Variants in BRCA1 observed in about 807,000 individuals in gnomAD.
BRCA1 encodes BRCA1 DNA repair associated, also known as breast cancer type 1 susceptibility protein.
Under a neutral mutation model 173.7 loss-of-function variants are expected in BRCA1, and 140 were observed. The ratio of observed to expected loss-of-function variants is 0.81; its 90% CI spans 0.70 to 0.93. The LOEUF is 0.93. BRCA1 is among the 40% of genes least tolerant of loss of function. The pLI is 0.00. For synonymous variants in BRCA1, 662 were observed against 756.0 expected (o/e 0.88, Z 2.04); for missense variants, 1,983 against 2,172.5 (o/e 0.91, Z 1.73).
intron 1 of BRCA1, among the ~76,000 whole-genome samples, chr17:43,137,433 TAAAA>T (rs112877653): frequency 7.1e-6 from 1 of 140,920 alleles, no homozygotes; most frequent in South Asian, 2.2e-4. Context: ...TAATAATAAT[TAAAA>T]AAAAAAAAAG....
intron 13 of BRCA1, 85 bp from the exon 14 acceptor site, chr17:43,074,606 G>T: frequency 8.2e-7 from 1 of 1,226,178 alleles, no homozygotes; most frequent in Admixed American, 1.9e-5. Context: ...AAGCATAAAT[G>T]AAACAGCTCA....
At position 43,095,885 on chromosome 17, in the gene BRCA1, C is replaced by T. The variant is rs1192717688; in HGVS notation, c.631G>A (p.Gly211Arg). Residue 211 changes from glycine (G) to arginine (R), a missense_variant, in exon 9 of 23, where the codon GGA (glycine) becomes AGA (arginine). By Grantham distance (125) the Gly-to-Arg change is moderately radical. Transcript: ENST00000357654. ...DQELLQITPQ[G>R]TRDEISLDSA... Reference sequence around the variant, plus strand: ...TCCAAACTGATTTCATCCCTGGTTCCTTGAGGGGTGATTTGTAACAATTCT... The same window carrying T: ...TCCAAACTGATTTCATCCCTGGTTCTTTGAGGGGTGATTTGTAACAATTCT... 1 of 1,613,846 alleles carries T rather than the reference C, an allele frequency of 6.2e-7. No homozygotes were observed. Among genetic ancestry groups the T allele is most frequent in the Non-Finnish European group, 8.5e-7 (1 of 1,179,878 alleles).
intron 4 of BRCA1, among the ~76,000 whole-genome samples, chr17:43,105,746 G>C (rs1251331816): frequency 2.0e-5 from 3 of 152,036 alleles, no homozygotes; most frequent in African/African-American, 7.3e-5. Context: ...ACCAAACTTA[G>C]GAAAAACAGT....
chr17:43,056,068 C>G (rs2051442597), intron 19 of BRCA1, among the ~76,000 whole-genome samples: 1 of 152,064 alleles, frequency 6.6e-6, no homozygotes, highest in Non-Finnish European at 1.5e-5. Flanking sequence ...ATTTTCACAT[C>G]TGTAATATAG....
At position 43,104,136 on chromosome 17, in the gene BRCA1, C is replaced by T. The variant is rs80356991; in HGVS notation, c.427G>A (p.Glu143Lys). The part of the protein sequence containing the change: ...RAKRLLQSEP[E>K]NPSLQETSLS... ...AATGGTTTTACCAAGGAAGGATTTT[C>T]GGGTTCACTCTGTAGAAGTCTTTTG... is the stretch of plus-strand genomic sequence containing the variant. Residue 143 changes from glutamate to lysine, a missense_variant, in exon 6 of 23, where the codon GAA becomes AAA. Glu to Lys is a moderately conservative substitution (Grantham distance 56). Transcript: ENST00000357654. The T allele has an allele frequency of 6.7e-5, 108 of 1,613,230 alleles. No homozygotes were observed. Among genetic ancestry groups the T allele is most frequent in the East Asian group, 2.5e-4 (11 of 44,878 alleles).
intron 2 of BRCA1, among the ~76,000 whole-genome samples, chr17:43,122,299 C>A (rs1160681956): frequency 2.0e-5 from 3 of 152,064 alleles, no homozygotes; most frequent in South Asian, 2.1e-4. Context: ...CTAACCATCA[C>A]CATATTTAAA....
chr17:43,153,338 T>C (rs1425881877), intron 1 of BRCA1, among the ~76,000 whole-genome samples: 1 of 152,244 alleles, frequency 6.6e-6, no homozygotes, highest in African/African-American at 2.4e-5. Context: ...CTGCCTGTTT[T>C]TCTGTGGCTA....
intron 22 of BRCA1, among the ~76,000 whole-genome samples, chr17:43,046,066 C>T (rs2050903780): frequency 6.6e-6 from 1 of 151,078 alleles, no homozygotes; most frequent in Non-Finnish European, 1.5e-5. Context: ...GAATTACAGG[C>T]ACATGCCATC....
At chr17:43,144,879 A>G (rs2056107832) in intron 1 of BRCA1, 1 of 527,436 alleles carries the variant, frequency 1.9e-6, no homozygotes, top group African/African-American at 1.9e-5. Context: ...GGCAGCGGCC[A>G]GGCAGCCCAG....
intron 2 of BRCA1, chr17:43,119,123 G>T (rs2055429774): frequency 4.6e-6 from 1 of 215,082 alleles, no homozygotes; most frequent in Non-Finnish European, 9.4e-6. Flanking sequence ...CGACTAACCT[G>T]GCAGTGTGAC....
intron 1 of BRCA1, chr17:43,145,176 A>G: frequency 2.8e-6 from 2 of 708,542 alleles, no homozygotes; most frequent in South Asian, 2.7e-5. Context: ...AAGAAGATTT[A>G]CCTGCAGAAA....
chr17:43,168,299 T>C, intron 1 of BRCA1: 1 of 375,046 alleles, frequency 2.7e-6, no homozygotes, highest in South Asian at 2.0e-5. Flanking sequence ...ATGTATCTTT[T>C]AAAAAGGTTT....
At chr17:43,052,638 G>A (rs2051287275) in intron 19 of BRCA1, among the ~76,000 whole-genome samples, 1 of 151,880 alleles carries the variant, frequency 6.6e-6, no homozygotes, top group East Asian at 1.9e-4. Context: ...CCTTCCCATT[G>A]CAATAAAAAG....
At chr17:43,151,587 C>A (rs567681229) in intron 1 of BRCA1, among the ~76,000 whole-genome samples, 1 of 151,888 alleles carries the variant, frequency 6.6e-6, no homozygotes, top group Non-Finnish European at 1.5e-5. Flanking sequence ...TTTTTTTTCC[C>A]TATATGTAAG....
chr17:43,129,319 C>A (rs1440992728), upstream of BRCA1, among the ~76,000 whole-genome samples: 14 of 152,190 alleles, frequency 9.2e-5, no homozygotes, highest in Admixed American at 9.2e-4. Context: ...TGGATATGGT[C>A]CAGCTAAGCT....
At chr17:43,122,580 G>A (rs559644370) in intron 2 of BRCA1, among the ~76,000 whole-genome samples, 1 of 152,230 alleles carries the variant, frequency 6.6e-6, no homozygotes, top group East Asian at 1.9e-4. Context: ...AAATAGGGGT[G>A]TCTGGAAATG....
At chr17:43,080,160 C>G (rs2052937947) in intron 12 of BRCA1, among the ~76,000 whole-genome samples, 1 of 152,132 alleles carries the variant, frequency 6.6e-6, no homozygotes, top group South Asian at 2.1e-4. Context: ...ATGTTACATT[C>G]TTTGTGGATA....
At chr17:43,052,635 A>AT (rs2153165547) in intron 19 of BRCA1, among the ~76,000 whole-genome samples, 1 of 152,134 alleles carries the variant, frequency 6.6e-6, no homozygotes, top group Non-Finnish European at 1.5e-5. Flanking sequence ...TGACCTTCCC[A>AT]TTGCAATAAA....
chr17:43,164,541 G>A (rs1195152269), intron 1 of BRCA1: 1 of 152,232 alleles, frequency 6.6e-6, no homozygotes, highest in Non-Finnish European at 1.5e-5. Flanking sequence ...AATAGCACGA[G>A]GAAAGAAAGA....
Sources: allele counts gnomAD v4.1 joint callset (sites outside exome capture counted in the v4.1 genomes callset), GRCh38; gene constraint gnomAD v4.1.1; transcripts MANE v1.5; gene names NCBI Gene and HGNC (gene_info 2026-07-23, HGNC 2026-07-21).